The following PAN3 variants were observed in gnomAD, a reference collection of about 807,000 sequenced individuals.
PAN3 encodes the protein PAN2-PAN3 deadenylation complex subunit PAN3.
Under a neutral mutation model 96.2 loss-of-function variants are expected in PAN3, and 19 were observed. That is an observed-to-expected ratio of 0.20 (90% confidence interval 0.14 to 0.29). PAN3 has a LOEUF of 0.29. PAN3 is among the 10% of genes least tolerant of loss of function. The probability of loss-of-function intolerance (pLI) is 1.00; values close to 1 mark genes in which losing one functional copy is unlikely to be tolerated. For missense variants in PAN3, 882 were observed against 1,108.1 expected (o/e 0.80, Z 2.90); for synonymous variants, 433 against 406.6 (o/e 1.06, Z -0.78).
chr13:28,213,702 CA>C (rs779035643), intron 5 of PAN3, among the ~76,000 whole-genome samples: 1,330 of 78,314 alleles, frequency 0.017, 8 homozygotes, highest in Admixed American at 0.034. Context: ...GAAAAAACAG[CA>C]AAAAAAAAAA....
intron 6 of PAN3, among the ~76,000 whole-genome samples, chr13:28,224,743 C>T (rs1040403198): frequency 1.3e-5 from 2 of 152,176 alleles, no homozygotes; most frequent in East Asian, 3.8e-4. Context: ...CCACCTCAAA[C>T]TCCTGAGTAG....
intron 5 of PAN3, among the ~76,000 whole-genome samples, chr13:28,206,433 C>T (rs1818058038): frequency 6.7e-6 from 1 of 149,902 alleles, no homozygotes; most frequent in Non-Finnish European, 1.5e-5. Flanking sequence ...AAGCAATTCT[C>T]CTATCTCAGC....
chr13:28,180,470 T>C (rs1444258040), intron 4 of PAN3, among the ~76,000 whole-genome samples: 1 of 152,186 alleles, frequency 6.6e-6, no homozygotes, highest in Non-Finnish European at 1.5e-5. Flanking sequence ...AGAAATACTC[T>C]TGGCATAGGA....
chr13:28,235,696 T>TACACACACACACACACAC lies in PAN3; in HGVS notation c.1000+15328_1000+15345dup, dbSNP rs34812975. 5.0e-3 allele frequency among the ~76,000 whole-genome samples: 700 copies of TACACACACACACACACAC among 140,638 alleles called. 3 individuals are homozygous for TACACACACACACACACAC. Among genetic ancestry groups the TACACACACACACACACAC allele is most frequent in the African/African-American group, 0.018 (663 of 36,572 alleles). 92.3% of individuals were successfully genotyped at this position (140,638 alleles called of 152,430 possible). Reference sequence around the variant, plus strand: ...TTTCTCTAATATACACACACACACATACACACACACACACACACACACACA... The same window carrying TACACACACACACACACAC: ...TTTCTCTAATATACACACACACACATACACACACACACACACACACACACACACACACACACACACACA... On this transcript the variant is annotated intron_variant, in intron 6 of 18. Coordinates refer to ENST00000380958, the MANE Select transcript of PAN3 (RefSeq NM_175854.8).
intron 17 of PAN3, among the ~76,000 whole-genome samples, chr13:28,285,425 G>A (rs1868853612): frequency 6.6e-6 from 1 of 152,048 alleles, no homozygotes; most frequent in South Asian, 2.1e-4. Context: ...CTTCCTCCAA[G>A]CTTTTGGGTT....
intron 6 of PAN3, among the ~76,000 whole-genome samples, chr13:28,249,461 T>A (rs1176418270): frequency 6.6e-6 from 1 of 152,136 alleles, no homozygotes; most frequent in Non-Finnish European, 1.5e-5. Flanking sequence ...TATTATTTTT[T>A]TTTTTGAGGT....
chr13:28,236,552 T>G (rs1309146568), intron 6 of PAN3, among the ~76,000 whole-genome samples: 2 of 152,178 alleles, frequency 1.3e-5, no homozygotes, highest in African/African-American at 4.8e-5. Context: ...ACTGAGATGG[T>G]TTTTAAAGGA....
At chr13:28,186,513 T>G (rs1181012688) in intron 4 of PAN3, among the ~76,000 whole-genome samples, 2 of 152,180 alleles carry the variant, frequency 1.3e-5, no homozygotes, top group African/African-American at 4.8e-5. Flanking sequence ...TGGTAGTTAT[T>G]GTTATAGTCT....
At chr13:28,274,103 G>C (rs983527717) in intron 14 of PAN3, among the ~76,000 whole-genome samples, 4 of 152,160 alleles carry the variant, frequency 2.6e-5, no homozygotes, top group African/African-American at 9.7e-5. Flanking sequence ...AACCTCAGCA[G>C]CAGCCAAGCT....
intron 1 of PAN3, among the ~76,000 whole-genome samples, chr13:28,155,746 G>A (rs1371206871): frequency 6.6e-6 from 1 of 151,910 alleles, no homozygotes; most frequent in Non-Finnish European, 1.5e-5. Context: ...TACATAAAAT[G>A]TATAACAAAC....
chr13:28,178,058 T>C lies in PAN3; in HGVS notation c.690+123T>C, dbSNP rs1875282499. 5 of 772,806 alleles carry C rather than the reference T, an allele frequency of 6.5e-6. No homozygotes were observed. In the East Asian group the frequency reaches 1.4e-4, roughly 21 times the overall value. 47.9% of individuals were successfully genotyped at this position (772,806 alleles called of 1,614,324 possible). Reference sequence around the variant, plus strand: ...GAGCTTTTTATGGGCTTTAGTGTTTTTCCTGCCTTTTGTTTATCCTTTTTC... The same window carrying C: ...GAGCTTTTTATGGGCTTTAGTGTTTCTCCTGCCTTTTGTTTATCCTTTTTC... On this transcript the variant is annotated intron_variant, in intron 4 of 18. Transcript: ENST00000380958.
chr13:28,180,234 C>G (rs1875590538), intron 4 of PAN3, among the ~76,000 whole-genome samples: 1 of 152,160 alleles, frequency 6.6e-6, no homozygotes, highest in South Asian at 2.1e-4. Flanking sequence ...TTGAAAGCAT[C>G]CATATGTCAG....
chr13:28,138,717 G>T lies in PAN3; in HGVS notation c.60G>T (p.Ser20=). ...PSAAASPSSS[S]LAAAVAVVAP... The stretch of plus-strand genomic sequence containing the variant: ...CCGCCGCCTCCCCTTCCTCCTCCTC[G>T]CTGGCGGCGGCGGTGGCGGTGGTGG... Residue 20 remains serine, a synonymous_variant, in exon 1 of 19, where the codon TCG becomes TCT. Transcript: ENST00000380958. The T allele has an allele frequency of 8.1e-7, 1 of 1,227,998 alleles. No individual in the cohort carries two copies. The highest frequency in any genetic ancestry group is 1.0e-6 in the Non-Finnish European group (1 of 957,866). 76.1% of individuals were successfully genotyped at this position (1,227,998 alleles called of 1,614,324 possible). A position where few individuals can be genotyped will look rare whatever the true frequency, so the allele number is the denominator to read the frequency against.
At position 28,252,184 on chromosome 13, in the gene PAN3, G is replaced by A. The variant is rs187445920; in HGVS notation, c.1001-4108G>A. Among the ~76,000 whole-genome samples, 150 of 142,784 alleles carry A rather than the reference G, an allele frequency of 1.1e-3. 3 individuals carry two copies. The East Asian group carries it at 0.027, about 26-fold the overall frequency. 93.7% of individuals were successfully genotyped at this position (142,784 alleles called of 152,430 possible). A position where few individuals can be genotyped will look rare whatever the true frequency, so the allele number is the denominator to read the frequency against. On this transcript the variant is annotated intron_variant, in intron 6 of 18. Coordinates refer to ENST00000380958, the MANE Select transcript of PAN3 (RefSeq NM_175854.8). ...ATTATATGTGTGAGCCACTGCGACG[G>A]GCCCTTTTTTTTTTTTTTTTTTTTT...
At chr13:28,280,596 T>G in intron 16 of PAN3, 55 bp downstream of exon 16, 1 of 1,454,704 alleles carries the variant, frequency 6.9e-7, no homozygotes, top group Non-Finnish European at 9.1e-7. Flanking sequence ...GAGTCTTGCT[T>G]TGTCACCCAG....
At chr13:28,264,999 T>G (rs1258508505) in intron 9 of PAN3, among the ~76,000 whole-genome samples, 1 of 152,228 alleles carries the variant, frequency 6.6e-6, no homozygotes, top group African/African-American at 2.4e-5. Flanking sequence ...GGTAAGAACG[T>G]AATATTTCTT....
intron 16 of PAN3, among the ~76,000 whole-genome samples, chr13:28,280,808 G>A (rs903774379): frequency 1.3e-5 from 2 of 151,982 alleles, no homozygotes; most frequent in African/African-American, 2.4e-5. Context: ...TGATCCGCCC[G>A]CCTCAGCCTC....
chr13:28,199,563 C>T (rs1160739812), intron 5 of PAN3, among the ~76,000 whole-genome samples: 1 of 152,088 alleles, frequency 6.6e-6, no homozygotes, highest in Non-Finnish European at 1.5e-5. Context: ...TTACCAGGCA[C>T]ATGTTGAAGT....
intron 6 of PAN3, among the ~76,000 whole-genome samples, chr13:28,227,925 A>G (rs1882172784): frequency 6.6e-6 from 1 of 152,202 alleles, no homozygotes; most frequent in South Asian, 2.1e-4. Context: ...TTTGTTCTGG[A>G]TGAACTGAGA....
Sources: allele counts gnomAD v4.1 joint callset (sites outside exome capture counted in the v4.1 genomes callset), GRCh38; gene constraint gnomAD v4.1.1; transcripts MANE v1.5; gene names NCBI Gene and HGNC (gene_info 2026-07-23, HGNC 2026-07-21).